Variants in CAMKK1 observed in about 807,000 individuals in gnomAD.
CAMKK1 encodes the protein calcium/calmodulin dependent protein kinase kinase 1.
In CAMKK1, 20 loss-of-function variants were observed where a neutral mutation model predicts 63.5. That is an observed-to-expected ratio of 0.32 (90% CI 0.22 to 0.46). CAMKK1 has a LOEUF of 0.46. Among genes scored for constraint, CAMKK1 ranks in the 20% least tolerant of loss-of-function variants. The probability of loss-of-function intolerance (pLI) is 1.00; values close to 1 mark genes in which losing one functional copy is unlikely to be tolerated. For synonymous variants in CAMKK1, 253 were observed against 269.0 expected (o/e 0.94, Z 0.58); for missense variants, 588 against 658.1 (o/e 0.89, Z 1.17).
chr17:3,872,494 TA>T, intron 12 of CAMKK1, 59 bp downstream of exon 12: 1 of 1,462,950 alleles, frequency 6.8e-7, no homozygotes, highest in Non-Finnish European at 9.6e-7. Context: ...AAAGCTCTGC[TA>T]AAACTCAGAC....
In CAMKK1 at chr17:3,871,607, T is replaced by C. The variant is rs532032047; in HGVS notation, c.1124+947A>G. Among the ~76,000 whole-genome samples, 90 of 149,930 alleles carry C rather than the reference T, an allele frequency of 6.0e-4. 1 individual carries two copies. The highest frequency in any genetic ancestry group is 1.7e-3 in the South Asian group (8 of 4,742). On this transcript the variant is annotated intron_variant, in intron 12 of 15. Coordinates refer to ENST00000348335, the MANE Select transcript of CAMKK1 (RefSeq NM_032294.3). ...TCCTGACCTCGTGATCCGCCCTCCT[T>C]GGCCTCCCAAAGTGCTGGAATTACA... is the stretch of plus-strand genomic sequence containing the variant.
At chr17:3,870,308 G>A (rs886767258) in intron 12 of CAMKK1, among the ~76,000 whole-genome samples, 1 of 151,990 alleles carries the variant, frequency 6.6e-6, no homozygotes, top group Non-Finnish European at 1.5e-5. Context: ...AGACTCAGAT[G>A]GGAGGGAGCA....
At position 3,884,940 on chromosome 17, in the gene CAMKK1, G is replaced by A. The variant is rs1196751182; in HGVS notation, c.360+388C>T. 6.6e-6 allele frequency among the ~76,000 whole-genome samples: 1 copy of A among 152,202 alleles called. No homozygotes were observed. The highest frequency in any genetic ancestry group is 2.4e-5 in the African/African-American group (1 of 41,444). On this transcript the variant is annotated intron_variant, in intron 2 of 15. Coordinates refer to ENST00000348335, the MANE Select transcript of CAMKK1 (RefSeq NM_032294.3). This position sits in a 1 kb window ranked among gnomAD's most constrained non-coding sequence, Gnocchi z 4.5. ...AACTCCAGCAGAAGCCCAGAGGCTG[G>A]AGGCAGGCCGGCCGCTTCTGAGTCA...
chr17:3,871,333 G>GT lies in CAMKK1; in HGVS notation c.1124+1220dup, dbSNP rs71155812. 2.0e-3 allele frequency among the ~76,000 whole-genome samples: 217 copies of GT among 111,010 alleles called. 1 individual carries two copies. Among genetic ancestry groups the GT allele is most frequent in the Admixed American group, 3.3e-3 (32 of 9,782 alleles). The allele number at this position is 111,010 out of a possible 152,430, so 72.8% of individuals were successfully genotyped here. A position where few individuals can be genotyped will look rare whatever the true frequency, so the allele number is the denominator to read the frequency against. Reference sequence around the variant, plus strand: ...TTTCTTTTTTTGTTTGTTGTTTTTTGTTTTTTTTTTTTTGTTTTTTTTTTT... The same window carrying GT: ...TTTCTTTTTTTGTTTGTTGTTTTTTGTTTTTTTTTTTTTTGTTTTTTTTTTT... On this transcript the variant is annotated intron_variant, in intron 12 of 15. Transcript: ENST00000348335.
intron 1 of CAMKK1, among the ~76,000 whole-genome samples, chr17:3,891,281 TGGGG>T: frequency 6.6e-6 from 1 of 151,974 alleles, no homozygotes; most frequent in Non-Finnish European, 1.5e-5. Context: ...TAATTTCTCG[TGGGG>T]GCAAGAAGCA....
intron 11 of CAMKK1, among the ~76,000 whole-genome samples, chr17:3,873,130 C>T (rs892380053): frequency 6.6e-6 from 1 of 152,204 alleles, no homozygotes; most frequent in Non-Finnish European, 1.5e-5. Flanking sequence ...AAGTGAATGG[C>T]GTCAAGGGAC....
chr17:3,869,624 G>GC lies in CAMKK1; in HGVS notation c.1213-10dup. 1 of 1,614,144 alleles carries GC rather than the reference G, an allele frequency of 6.2e-7. No homozygotes were observed. The highest frequency in any genetic ancestry group is 8.5e-7 in the Non-Finnish European group (1 of 1,179,994). On this transcript the variant is annotated splice_polypyrimidine_tract_variant and intron_variant, in intron 13 of 15. Transcript: ENST00000348335. ...GTCACCCAAGGGTGCAACTGTCGGG[G>GC]CCGGGAGGGCAGGGAGAGGGGGAGA...
rs2055875097 is a variant in CAMKK1, at chr17:3,890,858, C to T, written c.-44+2081G>A. On this transcript the variant is annotated intron_variant, in intron 1 of 15. Transcript: ENST00000348335. The surrounding 1 kb of genome is among the most constrained non-coding windows in gnomAD (Gnocchi z 6.5). The stretch of plus-strand genomic sequence containing the variant: ...TGAGCCCTCCTTGATCTCCCCACTA[C>T]CTGCTGGGTGAGCTCACCAAGTCAA... 1 of 744,118 alleles carries T rather than the reference C, an allele frequency of 1.3e-6. No homozygotes were observed. The highest frequency in any genetic ancestry group is 1.7e-5 in the African/African-American group (1 of 58,440). 46.1% of individuals were successfully genotyped at this position (744,118 alleles called of 1,614,324 possible).
At position 3,860,629 on chromosome 17, in the gene CAMKK1, C is replaced by T. The variant is rs888078458; in HGVS notation, c.*1582G>A. ...TGTTCTTAAAAACAGTACCGAGTAA[C>T]TTTTTAAGCTTCGGGCCACACTGCC... On this transcript the variant is annotated 3_prime_UTR_variant, in exon 16 of 16. Coordinates refer to ENST00000348335, the MANE Select transcript of CAMKK1 (RefSeq NM_032294.3). The T allele has an allele frequency of 6.6e-6, 1 of 152,204 alleles. No homozygotes were observed. Among genetic ancestry groups the T allele is most frequent in the Non-Finnish European group, 1.5e-5 (1 of 68,030 alleles). 9.4% of individuals were successfully genotyped at this position (152,204 alleles called of 1,614,324 possible). A position where few individuals can be genotyped will look rare whatever the true frequency, so the allele number is the denominator to read the frequency against.
chr17:3,862,531 C>G lies in CAMKK1; in HGVS notation c.1446-248G>C, dbSNP rs911319075. Among the ~76,000 whole-genome samples the G allele has an allele frequency of 1.3e-5, 2 of 152,126 alleles. No individual in the cohort carries two copies. Among genetic ancestry groups the G allele is most frequent in the African/African-American group, 2.4e-5 (1 of 41,418 alleles). On this transcript the variant is annotated intron_variant, in intron 15 of 15. Transcript: ENST00000348335. The surrounding 1 kb of genome is among the most constrained non-coding windows in gnomAD (Gnocchi z 4.1). ...CATTGACCAGAGATGAAGTCTAAACCTCCCAGCACGGCCTCTGGAGCTGCT... is the reference window on the plus strand; with the variant it reads ...CATTGACCAGAGATGAAGTCTAAACGTCCCAGCACGGCCTCTGGAGCTGCT...
chr17:3,880,187 C>A (rs572879316), intron 9 of CAMKK1, 159 bp downstream of exon 9: 3 of 627,144 alleles, frequency 4.8e-6, no homozygotes, highest in East Asian at 5.6e-5. Context: ...CACAAAAAGG[C>A]CTTTGGCCCC....
chr17:3,873,427 G>C lies in CAMKK1; in HGVS notation c.1032C>G (p.Tyr344Ter). Residue 344 changes from tyrosine (Y) to a stop codon, truncating the protein, a stop_gained, in exon 11 of 16, where the codon TAC becomes TAG. Coordinates refer to ENST00000348335, the MANE Select transcript of CAMKK1 (RefSeq NM_032294.3). LOFTEE classifies it high-confidence loss of function. ...CACTCACCTTCCCATAGACAAAGCA[G>C]TACAACGTGACGCCAGTGGCCCATA... ...LDVWATGVTL[Y>*]CFVYGKCPFI... The C allele has an allele frequency of 6.2e-7, 1 of 1,614,104 alleles. No homozygotes were observed. The highest frequency in any genetic ancestry group is 8.5e-7 in the Non-Finnish European group (1 of 1,180,002).
At chr17:3,878,795 T>C (rs1460703971) in intron 9 of CAMKK1, 1 of 127,070 alleles carries the variant, frequency 7.9e-6, no homozygotes, top group Non-Finnish European at 1.6e-5. Flanking sequence ...TATGTATGTA[T>C]ATATGTATGT....
chr17:3,866,162 G>T, intron 14 of CAMKK1, 151 bp from the exon 15 acceptor site: 1 of 915,662 alleles, frequency 1.1e-6, no homozygotes, highest in Non-Finnish European at 1.6e-6. Flanking sequence ...GCAAGAACAC[G>T]GGGCGCTGGC....
At position 3,862,225 on chromosome 17, in the gene CAMKK1, C is replaced by T. The variant is rs1317637322; in HGVS notation, c.1504G>A (p.Glu502Lys). The change falls in exon 16 of 16, where the codon GAG becomes AAG. Residue 502 changes from glutamate (E) to lysine (K), a missense_variant. Around this residue, in one of 3 missense-constraint regions of CAMKK1, gnomAD observed 226 missense variants for 229.2 expected, o/e 0.99. Coordinates refer to ENST00000348335, the MANE Select transcript of CAMKK1 (RefSeq NM_032294.3). The surrounding 1 kb of genome is among the most constrained non-coding windows in gnomAD (Gnocchi z 4.1). Reference sequence around the variant, plus strand: ...CATGCAGGGGCTCAGGATGCAGCCTCGTCTTCCTGGACGCCGGGGAGCTCT... The same window carrying T: ...CATGCAGGGGCTCAGGATGCAGCCTTGTCTTCCTGGACGCCGGGGAGCTCT... ...SPELPGVQEDEAAS is the reference protein window; with the variant it reads ...SPELPGVQEDKAAS The T allele has an allele frequency of 3.8e-6, 6 of 1,589,436 alleles. No individual in the cohort carries two copies. Among genetic ancestry groups the T allele is most frequent in the South Asian group, 2.3e-5 (2 of 87,316 alleles).
rs951526685 is a variant in CAMKK1, at chr17:3,861,064, G to A, written c.*1147C>T. ...AGGTGAAGGCTGCTCCGGAAGAGCT[G>A]TGTCTGCACGCGCTCCAGCACCCCC... On this transcript the variant is annotated 3_prime_UTR_variant, in exon 16 of 16. Coordinates refer to ENST00000348335, the MANE Select transcript of CAMKK1 (RefSeq NM_032294.3). 1 of 152,338 alleles carries A rather than the reference G, an allele frequency of 6.6e-6. No individual in the cohort carries two copies. The highest frequency in any genetic ancestry group is 1.5e-5 in the Non-Finnish European group (1 of 68,118). 9.4% of individuals were successfully genotyped at this position (152,338 alleles called of 1,614,324 possible). A position where few individuals can be genotyped will look rare whatever the true frequency, so the allele number is the denominator to read the frequency against.
At chr17:3,868,809 C>T (rs937874668) in intron 14 of CAMKK1, among the ~76,000 whole-genome samples, 6 of 151,802 alleles carry the variant, frequency 4.0e-5, no homozygotes, top group African/African-American at 9.7e-5. Flanking sequence ...CCCACCACTG[C>T]GCCCGGCTAA....
intron 12 of CAMKK1, among the ~76,000 whole-genome samples, chr17:3,870,915 G>A (rs2054818566): frequency 1.3e-5 from 2 of 152,210 alleles, no homozygotes; most frequent in Admixed American, 1.3e-4. Context: ...GAAATGGACA[G>A]AAGCCAGCTG....
rs111339689 is a variant in CAMKK1 at position 3,868,126 on chromosome 17, T to C, written c.1341+1361A>G. 3.7e-3 allele frequency among the ~76,000 whole-genome samples: 169 copies of C among 45,214 alleles called. 22 individuals carry two copies. Among genetic ancestry groups the C allele is most frequent in the Middle Eastern group, 0.014 (1 of 72 alleles). The allele number at this position is 45,214 out of a possible 152,430, so 29.7% of individuals were successfully genotyped here. On this transcript the variant is annotated intron_variant, in intron 14 of 15. Coordinates refer to ENST00000348335, the MANE Select transcript of CAMKK1 (RefSeq NM_032294.3). ...AAGCAGGCGCCGTCTAACTGATACG[T>C]GGGCTCTGGGGGAGAAGCAGGCGCC...
Sources: gnomAD v4.1 joint callset for allele counts (sites outside exome capture counted in the v4.1 genomes callset) on GRCh38, gnomAD v4.1.1 for gene constraint, gnomAD v4.1.1 regional missense constraint, Gnocchi (gnomAD v3.1) non-coding constraint, MANE v1.5 for transcripts, NCBI Gene and HGNC (gene_info 2026-07-23, HGNC 2026-07-21) for gene names.